Variants in MEGF10 observed in about 807,000 individuals in gnomAD.
The protein encoded by MEGF10 is multiple EGF like domains 10.
Under a neutral mutation model 147.5 loss-of-function variants are expected in MEGF10, and 86 were observed. The ratio of observed to expected loss-of-function variants is 0.58; its 90% CI spans 0.49 to 0.70. The LOEUF is 0.70. Ranked by LOEUF, MEGF10 falls within the 30% of genes least tolerant of loss-of-function variation. The pLI, the probability that MEGF10 is intolerant of heterozygous loss-of-function variation, is 0.00. For synonymous variants in MEGF10, 478 were observed against 525.5 expected (o/e 0.91, Z 1.24); for missense variants, 1,329 against 1,487.3 (o/e 0.89, Z 1.75).
At chr5:127,262,094 A>G in the MEGF10 span, among the ~76,000 whole-genome samples, 3 of 152,154 alleles carry the variant, frequency 2.0e-5, no homozygotes, top group Non-Finnish European at 4.4e-5. Flanking sequence ...CCTTTGGTAT[A>G]TGAGAGTTTT....
chr5:127,364,418 A>C (rs1762583305), intron 4 of MEGF10, among the ~76,000 whole-genome samples: 1 of 152,060 alleles, frequency 6.6e-6, no homozygotes, highest in Admixed American at 6.5e-5. Context: ...CCTGGATTCT[A>C]CTCTGCATTT....
chr5:127,229,828 C>T, the MEGF10 span: 7 of 152,220 alleles, frequency 4.6e-5, no homozygotes, highest in South Asian at 8.3e-4. Context: ...GCGCACCCCC[C>T]TCTGGGGGCC....
At chr5:127,276,153 T>C in the MEGF10 span, among the ~76,000 whole-genome samples, 5 of 152,340 alleles carry the variant, frequency 3.3e-5, no homozygotes, top group African/African-American at 9.6e-5. Context: ...CAACCTTCTG[T>C]TGTTTTCATG....
intron 4 of MEGF10, among the ~76,000 whole-genome samples, chr5:127,365,238 A>T (rs1249196071): frequency 6.6e-6 from 1 of 152,220 alleles, no homozygotes; most frequent in East Asian, 1.9e-4. Context: ...TTAAATAAAT[A>T]TATTCTTTAA....
chr5:127,439,761 A>G (rs1201932522), intron 17 of MEGF10, among the ~76,000 whole-genome samples: 1 of 152,184 alleles, frequency 6.6e-6, no homozygotes, highest in East Asian at 1.9e-4. Flanking sequence ...GCCAGTTGCC[A>G]GCTGTGTGAC....
chr5:127,438,426 C>T lies in MEGF10; in HGVS notation c.2105-13C>T. The T allele has an allele frequency of 6.2e-7, 1 of 1,613,280 alleles. No individual in the cohort carries two copies. The highest frequency in any genetic ancestry group is 8.5e-7 in the Non-Finnish European group (1 of 1,179,536). ...CAGAACTCTGATGGACTTCTCCATA[C>T]CTGTAATTTCAGCATGTCCACCTGC... On this transcript the variant is annotated splice_polypyrimidine_tract_variant and intron_variant, in intron 16 of 24. Transcript: ENST00000503335.
At position 127,454,584 on chromosome 5, in the gene MEGF10, G is replaced by A. The variant is rs755029832; in HGVS notation, c.2999G>A (p.Arg1000Lys). ...LNELGAFGLD[R>K]SYMGKSLKDL... ...ATTACAGGTGCTTTTGGACTTGACA[G>A]AAGCTATATGGGAAAATCCTTAAAA... Residue 1000 changes from arginine (R) to lysine (K), a missense_variant, in exon 23 of 25, where the codon AGA (arginine) becomes AAA (lysine). By Grantham distance (26) the Arg-to-Lys change is conservative. Transcript: ENST00000503335. 6 of 1,608,788 alleles carry A rather than the reference G, an allele frequency of 3.7e-6. No homozygotes were observed. The African/African-American group carries it at 8.0e-5, about 22-fold the overall frequency.
chr5:127,374,897 C>T (rs1016955359), intron 5 of MEGF10, among the ~76,000 whole-genome samples: 3 of 152,218 alleles, frequency 2.0e-5, no homozygotes, highest in African/African-American at 7.2e-5. Context: ...CCACTCTCAG[C>T]CCAAACTTCA....
the MEGF10 span, among the ~76,000 whole-genome samples, chr5:127,235,853 A>G: frequency 6.6e-6 from 1 of 152,366 alleles, no homozygotes; most frequent in South Asian, 2.1e-4. Context: ...AGATGCTTGC[A>G]CTTAATTTTA....
At position 127,435,313 on chromosome 5, in the gene MEGF10, G is replaced by T. The variant is rs369330523; in HGVS notation, c.1976-48G>T. On this transcript the variant is annotated intron_variant, in intron 15 of 24. Coordinates refer to ENST00000503335, the MANE Select transcript of MEGF10 (RefSeq NM_001256545.2). ...TCCTGTGCTAAGATTCTAGGGTTCT[G>T]CGAGAGGGGTTTTGATTGTGAGTTA... The T allele has an allele frequency of 1.4e-5, 23 of 1,607,428 alleles. No individual in the cohort carries two copies. In the African/African-American group the frequency reaches 2.8e-4, roughly 20 times the overall value.
chr5:127,454,494 C>T (rs567664969), intron 22 of MEGF10, 72 bp from the exon 23 acceptor site: 2 of 1,387,058 alleles, frequency 1.4e-6, no homozygotes, highest in East Asian at 2.3e-5. Context: ...TCTTCCAGGA[C>T]CTTGGGATAT....
In MEGF10 at chr5:127,458,509, T is replaced by TGG. The variant is rs1766447115; in HGVS notation, c.*1191_*1192insGG. 6.6e-6 allele frequency: 1 copy of TGG among 152,208 alleles called. No individual in the cohort carries two copies. The highest frequency in any genetic ancestry group is 1.5e-5 in the Non-Finnish European group (1 of 68,028). 9.4% of individuals were successfully genotyped at this position (152,208 alleles called of 1,614,324 possible). On this transcript the variant is annotated 3_prime_UTR_variant, in exon 25 of 25. Transcript: ENST00000503335. ...GTTTGGATTGTTAATGAAAAAATATTATATGTTCGTTATTCCTTGTATTAT... is the reference window on the plus strand; with the variant it reads ...GTTTGGATTGTTAATGAAAAAATATTGGATATGTTCGTTATTCCTTGTATTAT...
the MEGF10 span, among the ~76,000 whole-genome samples, chr5:127,277,127 A>G: frequency 2.0e-5 from 3 of 152,220 alleles, no homozygotes; most frequent in African/African-American, 7.2e-5. Flanking sequence ...AAAACCAAGA[A>G]GCACTGAGAG....
At chr5:127,444,416 G>GT (rs1765864494) in intron 19 of MEGF10, 1 of 152,108 alleles carries the variant, frequency 6.6e-6, no homozygotes, top group Admixed American at 6.5e-5. Context: ...ATTATCCTTG[G>GT]TGGTCTGTGT....
In MEGF10 at chr5:127,420,363, C is replaced by A. The variant is rs77761988; in HGVS notation, c.1590+156C>A. Among the ~76,000 whole-genome samples the A allele has an allele frequency of 2.3e-3, 351 of 152,220 alleles. 3 individuals carry two copies. Among genetic ancestry groups the A allele is most frequent in the Middle Eastern group, 0.01 (3 of 294 alleles). ...TCCAGGTATTTGGATTCAAATTGGA[C>A]GTAGGATTGGAAAAGAGATAGACAT... On this transcript the variant is annotated intron_variant, in intron 12 of 24. Transcript: ENST00000503335.
chr5:127,457,553 A>C lies in MEGF10; in HGVS notation c.*235A>C. The C allele has an allele frequency of 2.1e-6, 1 of 472,032 alleles. No individual in the cohort carries two copies. The highest frequency in any genetic ancestry group is 3.7e-6 in the Non-Finnish European group (1 of 267,466). The allele number at this position is 472,032 out of a possible 1,614,324, so 29.2% of individuals were successfully genotyped here. On this transcript the variant is annotated 3_prime_UTR_variant, in exon 25 of 25. Coordinates refer to ENST00000503335, the MANE Select transcript of MEGF10 (RefSeq NM_001256545.2). ...CCATTGCTGTTAGTTTTAGAACTAT[A>C]CCCGTGAAGCATGACTTATTGTAAG... is the stretch of plus-strand genomic sequence containing the variant.
At chr5:127,261,914 A>C in the MEGF10 span, among the ~76,000 whole-genome samples, 1 of 152,064 alleles carries the variant, frequency 6.6e-6, no homozygotes, top group Non-Finnish European at 1.5e-5. Context: ...TCTTCTTTGG[A>C]GAAATGTCTG....
At chr5:127,313,766 A>G (rs1760400081) in intron 1 of MEGF10, among the ~76,000 whole-genome samples, 1 of 152,222 alleles carries the variant, frequency 6.6e-6, no homozygotes, top group African/African-American at 2.4e-5. Context: ...CCTTGTATCT[A>G]AAAGTGAGAA....
intron 14 of MEGF10, among the ~76,000 whole-genome samples, chr5:127,434,338 CTT>C (rs1254833626): frequency 6.6e-6 from 1 of 152,084 alleles, no homozygotes; most frequent in East Asian, 1.9e-4. Context: ...TTATTTGAGA[CTT>C]ATTAGTATTT....
Sources: gnomAD v4.1 joint callset for allele counts (sites outside exome capture counted in the v4.1 genomes callset) on GRCh38, gnomAD v4.1.1 for gene constraint, MANE v1.5 for transcripts, NCBI Gene and HGNC (gene_info 2026-07-23, HGNC 2026-07-21) for gene names.